Variants in RHEX observed in about 807,000 individuals in gnomAD.
RHEX encodes the protein regulator of hemoglobinization and erythroid cell expansion.
RHEX carries 18 observed loss-of-function variants against 20.1 expected under a neutral mutation model. The ratio of observed to expected loss-of-function variants is 0.90; its 90% CI spans 0.62 to 1.33. RHEX has a LOEUF of 1.33. Among genes scored for constraint, RHEX ranks in the 40% most tolerant of loss-of-function variants. The pLI, the probability that RHEX is intolerant of heterozygous loss-of-function variation, is 0.00. For missense variants in RHEX, 192 were observed against 214.3 expected (o/e 0.90, Z 0.65); for synonymous variants, 87 against 77.1 (o/e 1.13, Z -0.67).
At chr1:206,072,091 T>C (rs1373566920) in intron 1 of RHEX, among the ~76,000 whole-genome samples, 2 of 152,140 alleles carry the variant, frequency 1.3e-5, no homozygotes, top group Non-Finnish European at 2.9e-5. Flanking sequence ...AAATAAGTCT[T>C]TCATGCCGCC....
At chr1:206,056,884 C>T (rs1023728922) in intron 1 of RHEX, among the ~76,000 whole-genome samples, 22 of 152,222 alleles carry the variant, frequency 1.4e-4, no homozygotes, top group Admixed American at 5.2e-4. Context: ...TGCGTTATTT[C>T]GGCTACTTGA....
At chr1:206,088,564 T>C (rs1322940943) in intron 1 of RHEX, among the ~76,000 whole-genome samples, 1 of 152,120 alleles carries the variant, frequency 6.6e-6, no homozygotes, top group African/African-American at 2.4e-5. Context: ...ACACCTGTAA[T>C]CCCAGCTACT....
At position 206,102,040 on chromosome 1, in the gene RHEX, G is replaced by T. The variant is rs1469270833; in HGVS notation, c.*88G>T. 1.8e-6 allele frequency: 2 copies of T among 1,086,116 alleles called. No individual in the cohort carries two copies. Among genetic ancestry groups the T allele is most frequent in the African/African-American group, 1.6e-5 (1 of 64,268 alleles). 67.3% of individuals were successfully genotyped at this position (1,086,116 alleles called of 1,614,324 possible). ...ATGCCATTTTTCCCCCTTAAACAAG[G>T]CATGGGGCTCACAAGTCTATGGAGA... On this transcript the variant is annotated 3_prime_UTR_variant, in exon 6 of 6. Coordinates refer to ENST00000331555, the MANE Select transcript of RHEX (RefSeq NM_001007544.4).
Position 206,102,134 on chromosome 1 carries a change from G to C in RHEX, c.*182G>C. 1 of 628,136 alleles carries C rather than the reference G, an allele frequency of 1.6e-6. No homozygotes were observed. The highest frequency in any genetic ancestry group is 2.8e-6 in the Non-Finnish European group (1 of 357,392). The allele number at this position is 628,136 out of a possible 1,614,324, so 38.9% of individuals were successfully genotyped here. A position where few individuals can be genotyped will look rare whatever the true frequency, so the allele number is the denominator to read the frequency against. ...AGGTCCTCAAGACCCATGGACTCCT[G>C]GTCTGTACCCAAAAAAGCTGTTCGT... On this transcript the variant is annotated 3_prime_UTR_variant, in exon 6 of 6. Coordinates refer to ENST00000331555, the MANE Select transcript of RHEX (RefSeq NM_001007544.4).
chr1:206,073,157 G>A (rs1662567497), intron 1 of RHEX, among the ~76,000 whole-genome samples: 1 of 152,082 alleles, frequency 6.6e-6, no homozygotes, highest in Non-Finnish European at 1.5e-5. Flanking sequence ...TCTTTACCAG[G>A]CCTTTGGGAT....
At chr1:206,059,527 A>AC (rs1285376494) in intron 1 of RHEX, among the ~76,000 whole-genome samples, 1 of 152,144 alleles carries the variant, frequency 6.6e-6, no homozygotes, top group Non-Finnish European at 1.5e-5. Flanking sequence ...TCCCCAAGAC[A>AC]TGTGGCCTGA....
At chr1:206,097,878 C>T in intron 2 of RHEX, 39 bp downstream of exon 2, 1 of 1,431,902 alleles carries the variant, frequency 7.0e-7, no homozygotes, top group Non-Finnish European at 9.9e-7. Context: ...AGGTTCCCAC[C>T]AAGCTAACTG....
intron 1 of RHEX, among the ~76,000 whole-genome samples, chr1:206,065,424 G>T (rs1220172298): frequency 6.6e-6 from 1 of 152,188 alleles, no homozygotes; most frequent in Non-Finnish European, 1.5e-5. Flanking sequence ...CAGCTAGAAG[G>T]CAGGACTCCA....
chr1:206,102,270 A>T lies in RHEX; in HGVS notation c.*318A>T. The stretch of plus-strand genomic sequence containing the variant: ...TTCAGGTAAAGTATGAGAACTATGG[A>T]GTCCATCAGCAGAGATAGTAGTGAA... On this transcript the variant is annotated 3_prime_UTR_variant, in exon 6 of 6. Transcript: ENST00000331555. 3 of 358,870 alleles carry T rather than the reference A, an allele frequency of 8.4e-6. No individual in the cohort carries two copies. Among genetic ancestry groups the T allele is most frequent in the South Asian group, 6.9e-5 (2 of 28,780 alleles). 22.2% of individuals were successfully genotyped at this position (358,870 alleles called of 1,614,324 possible). A position where few individuals can be genotyped will look rare whatever the true frequency, so the allele number is the denominator to read the frequency against.
At chr1:206,056,045 T>C (rs1251418314) in intron 1 of RHEX, among the ~76,000 whole-genome samples, 1 of 152,284 alleles carries the variant, frequency 6.6e-6, no homozygotes, top group Non-Finnish European at 1.5e-5. Flanking sequence ...AATGCTAGAC[T>C]AGCTAGATAC....
chr1:206,062,249 T>C (rs1376904616), intron 1 of RHEX: 1 of 152,172 alleles, frequency 6.6e-6, no homozygotes, highest in East Asian at 1.9e-4. Flanking sequence ...TAAAACATAT[T>C]CTGATGGAGG....
At chr1:206,071,987 T>G (rs1553284714) in intron 1 of RHEX, among the ~76,000 whole-genome samples, 1 of 152,222 alleles carries the variant, frequency 6.6e-6, no homozygotes, top group East Asian at 1.9e-4. Context: ...TTTGCCATCA[T>G]TAGATGGAAG....
intron 1 of RHEX, among the ~76,000 whole-genome samples, chr1:206,056,767 T>C (rs1662202225): frequency 1.3e-5 from 2 of 151,950 alleles, no homozygotes; most frequent in South Asian, 2.1e-4. Flanking sequence ...GTAAGCAGCA[T>C]GGATGAGGAT....
intron 1 of RHEX, among the ~76,000 whole-genome samples, chr1:206,079,718 G>A (rs1553285616): frequency 1.3e-5 from 2 of 152,230 alleles, no homozygotes; most frequent in East Asian, 3.9e-4. Context: ...ACCACGCCGG[G>A]CTAATTTTTA....
chr1:206,060,482 G>C (rs1396226141), intron 1 of RHEX: 1 of 152,536 alleles, frequency 6.6e-6, no homozygotes, highest in Non-Finnish European at 1.5e-5. Flanking sequence ...CCATGAAGGA[G>C]GAAGGTGGGC....
rs139330119 is a variant in RHEX, at chr1:206,085,640, T to C, written c.-96-12093T>C. Among the ~76,000 whole-genome samples the C allele has an allele frequency of 3.2e-4, 49 of 152,316 alleles. 1 individual carries two copies. In the East Asian group the frequency reaches 6.2e-3, roughly 19 times the overall value. On this transcript the variant is annotated intron_variant, in intron 1 of 5. Coordinates refer to ENST00000331555, the MANE Select transcript of RHEX (RefSeq NM_001007544.4). ...TTGCTTTCCTGCTAGAAATTGGCAG[T>C]GCTTGCACCTAGAAATAAATGTGAC...
chr1:206,069,089 G>C (rs1164807077), intron 1 of RHEX, among the ~76,000 whole-genome samples: 2 of 152,198 alleles, frequency 1.3e-5, no homozygotes, highest in Non-Finnish European at 2.9e-5. Flanking sequence ...TGCTTAATGA[G>C]GCAGTAAGAG....
intron 1 of RHEX, among the ~76,000 whole-genome samples, chr1:206,063,870 G>C (rs1461388872): frequency 1.3e-5 from 2 of 151,528 alleles, no homozygotes; most frequent in African/African-American, 4.9e-5. Context: ...GGGATGTGAG[G>C]AGCCCCTCTG....
rs141091583 is a variant in RHEX, at chr1:206,078,867, G to A, written c.-96-18866G>A. Among the ~76,000 whole-genome samples, 262 of 152,304 alleles carry A rather than the reference G, an allele frequency of 1.7e-3. 1 individual carries two copies. The highest frequency in any genetic ancestry group is 5.8e-3 in the African/African-American group (241 of 41,558). ...TGTTGTCATTCTGTCTAGACCCGCT[G>A]GACTGCACCCTAAGCCATGACATGT... is the stretch of plus-strand genomic sequence containing the variant. On this transcript the variant is annotated intron_variant, in intron 1 of 5. Coordinates refer to ENST00000331555, the MANE Select transcript of RHEX (RefSeq NM_001007544.4).
Sources: gnomAD v4.1 joint callset for allele counts (sites outside exome capture counted in the v4.1 genomes callset) on GRCh38, gnomAD v4.1.1 for gene constraint, MANE v1.5 for transcripts, NCBI Gene and HGNC (gene_info 2026-07-23, HGNC 2026-07-21) for gene names.